The following HPSE2 variants were observed in gnomAD, a reference collection of about 807,000 sequenced individuals.
The protein encoded by HPSE2 is inactive heparanase-2.
In HPSE2, 38 loss-of-function variants were observed where a neutral mutation model predicts 60.5. The ratio of observed to expected loss-of-function variants is 0.63; its 90% confidence interval spans 0.48 to 0.82. HPSE2 has a LOEUF of 0.82. Ranked by LOEUF, HPSE2 falls within the 40% of genes least tolerant of loss-of-function variation. The pLI, the probability that HPSE2 is intolerant of heterozygous loss-of-function variation, is 0.00. For synonymous variants in HPSE2, 295 were observed against 293.2 expected (o/e 1.01, Z -0.06); for missense variants, 713 against 740.4 (o/e 0.96, Z 0.43).
At chr10:98,731,243 C>A (rs1949220511) in intron 4 of HPSE2, among the ~76,000 whole-genome samples, 1 of 152,164 alleles carries the variant, frequency 6.6e-6, no homozygotes, top group Non-Finnish European at 1.5e-5. Context: ...TGTGCCACTG[C>A]ACTCCAGTCT....
intron 2 of HPSE2, among the ~76,000 whole-genome samples, chr10:99,186,084 A>C (rs994124410): frequency 8.7e-5 from 13 of 149,480 alleles, no homozygotes; most frequent in African/African-American, 3.0e-4. Context: ...AACACTGATA[A>C]CACTAAGCAG....
At chr10:99,213,413 T>C (rs950791608) in intron 2 of HPSE2, among the ~76,000 whole-genome samples, 5 of 152,188 alleles carry the variant, frequency 3.3e-5, no homozygotes, top group African/African-American at 1.2e-4. Flanking sequence ...TCCATCCCTC[T>C]GCTGTCCAAG....
chr10:98,757,648 C>A (rs1949908671), intron 3 of HPSE2, among the ~76,000 whole-genome samples: 1 of 151,832 alleles, frequency 6.6e-6, no homozygotes, highest in Non-Finnish European at 1.5e-5. Context: ...GATCTCTACA[C>A]CAAAAATTAT....
intron 2 of HPSE2, among the ~76,000 whole-genome samples, chr10:99,220,798 A>T (rs1274615009): frequency 7.0e-6 from 1 of 143,408 alleles, no homozygotes; most frequent in Admixed American, 7.1e-5. Context: ...ACAGAGTGAG[A>T]CTCCGTCTCA....
At chr10:99,286,435 T>C in the HPSE2 span, among the ~76,000 whole-genome samples, 130,097 of 152,154 alleles carry the variant, frequency 0.86, 55,976 homozygotes, top group African/African-American at 0.92. Context: ...AAGCCAGACA[T>C]AAAAGGACAA....
At chr10:98,710,836 G>A (rs1431285250) in intron 5 of HPSE2, among the ~76,000 whole-genome samples, 1 of 152,032 alleles carries the variant, frequency 6.6e-6, no homozygotes, top group Non-Finnish European at 1.5e-5. Context: ...TATAGTAAGA[G>A]AGCTCAATAC....
chr10:98,686,297 C>T (rs774553335), intron 6 of HPSE2, among the ~76,000 whole-genome samples: 2 of 152,168 alleles, frequency 1.3e-5, no homozygotes, highest in Non-Finnish European at 2.9e-5. Context: ...AAATTTCTCT[C>T]CAAGTTCTGC....
chr10:98,940,736 G>A (rs1444324841), intron 3 of HPSE2, among the ~76,000 whole-genome samples: 2 of 142,458 alleles, frequency 1.4e-5, no homozygotes, highest in Admixed American at 1.4e-4. Context: ...CATTTTATAA[G>A]GCCAGCATCA....
At chr10:99,257,272 G>C in the HPSE2 span, among the ~76,000 whole-genome samples, 1 of 152,176 alleles carries the variant, frequency 6.6e-6, no homozygotes, top group Non-Finnish European at 1.5e-5. Context: ...AATGTTCAGG[G>C]AACAAGAGAG....
At chr10:98,502,825 GA>G (rs1239923127) in intron 9 of HPSE2, among the ~76,000 whole-genome samples, 1 of 151,994 alleles carries the variant, frequency 6.6e-6, no homozygotes, top group South Asian at 2.1e-4. Flanking sequence ...AAATCAGTAA[GA>G]AAAAAACAAA....
intron 9 of HPSE2, among the ~76,000 whole-genome samples, chr10:98,508,435 A>G (rs973460955): frequency 1.3e-5 from 2 of 152,218 alleles, no homozygotes. Context: ...ACCGATTCCT[A>G]TAGCCCAGTG....
chr10:98,651,803 C>T (rs1311941358), intron 6 of HPSE2, among the ~76,000 whole-genome samples: 9 of 149,708 alleles, frequency 6.0e-5, no homozygotes, highest in South Asian at 4.2e-4. Context: ...GATGGAGTCT[C>T]GCTCTGTCAC....
intron 9 of HPSE2, among the ~76,000 whole-genome samples, chr10:98,531,104 T>C (rs1943117878): frequency 2.0e-5 from 3 of 152,160 alleles, no homozygotes; most frequent in African/African-American, 7.2e-5. Flanking sequence ...CCCTCCAACA[T>C]TTTATGCCCC....
chr10:98,471,199 TG>T (rs1940766291), intron 11 of HPSE2, among the ~76,000 whole-genome samples: 1 of 152,206 alleles, frequency 6.6e-6, no homozygotes. Context: ...ACAAATCATC[TG>T]GGATCTTGTT....
chr10:99,087,370 T>C (rs892358528), intron 3 of HPSE2, among the ~76,000 whole-genome samples: 24 of 152,204 alleles, frequency 1.6e-4, no homozygotes, highest in African/African-American at 5.5e-4. Flanking sequence ...GGGAATTATT[T>C]AATTTAATTT....
intron 3 of HPSE2, among the ~76,000 whole-genome samples, chr10:98,960,741 T>TTTTTTTTTTA (rs1955651631): frequency 6.6e-5 from 1 of 15,236 alleles, no homozygotes; most frequent in East Asian, 2.6e-3. Flanking sequence ...TTTTATTTTA[T>TTTTTTTTTTA]TTTTTTTTTT....
chr10:98,860,057 T>C (rs923360805), intron 3 of HPSE2, among the ~76,000 whole-genome samples: 2 of 152,132 alleles, frequency 1.3e-5, no homozygotes, highest in Non-Finnish European at 2.9e-5. Flanking sequence ...AAAAACATAG[T>C]GTCTTAGGGT....
intron 3 of HPSE2, among the ~76,000 whole-genome samples, chr10:98,955,265 AAAAC>A (rs1589423473): frequency 1.3e-5 from 2 of 152,170 alleles, no homozygotes; most frequent in Admixed American, 6.5e-5. Context: ...TTACAAGAGA[AAAAC>A]AAACAACCAC....
At chr10:99,055,676 A>G (rs1317282977) in intron 3 of HPSE2, among the ~76,000 whole-genome samples, 2 of 152,168 alleles carry the variant, frequency 1.3e-5, no homozygotes, top group Non-Finnish European at 2.9e-5. Context: ...TGAGATATCT[A>G]GATAATCTCC....
Sources: gnomAD v4.1 joint callset for allele counts (sites outside exome capture counted in the v4.1 genomes callset) on GRCh38, gnomAD v4.1.1 for gene constraint, MANE v1.5 for transcripts, NCBI Gene and HGNC (gene_info 2026-07-23, HGNC 2026-07-21) for gene names.